PALM2AKAP2: variants seen among roughly 807,000 people sequenced by gnomAD.
PALM2AKAP2 encodes the protein PALM2 and AKAP2 fusion.
Under a neutral mutation model 71.5 loss-of-function variants are expected in PALM2AKAP2, and 37 were observed. The observed-to-expected ratio is 0.52, with a 90% CI of 0.40 to 0.68. The LOEUF (loss-of-function observed/expected upper bound fraction) is 0.68, where lower values mean the gene tolerates loss of function less well. Ranked by LOEUF, PALM2AKAP2 falls within the 30% of genes least tolerant of loss-of-function variation. The pLI, the probability that PALM2AKAP2 is intolerant of heterozygous loss-of-function variation, is 0.00. For synonymous variants in PALM2AKAP2, 468 were observed against 478.8 expected (o/e 0.98, Z 0.29); for missense variants, 1,224 against 1,191.8 (o/e 1.03, Z -0.40).
chr9:109,701,163 G>A (rs138981549), intron 1 of PALM2AKAP2, among the ~76,000 whole-genome samples: 20 of 152,114 alleles, frequency 1.3e-4, no homozygotes, highest in Admixed American at 2.0e-4. Context: ...AAATCCTTGG[G>A]CATGCCAAGG....
intron 1 of PALM2AKAP2, among the ~76,000 whole-genome samples, chr9:109,670,252 G>T (rs1251604760): frequency 6.6e-6 from 1 of 151,954 alleles, no homozygotes; most frequent in Admixed American, 6.6e-5. Flanking sequence ...TGTTTTTCCT[G>T]ATCCTCTCCC....
chr9:109,938,030 A>T (rs7046825), intron 6 of PALM2AKAP2, among the ~76,000 whole-genome samples: 127,398 of 152,218 alleles, frequency 0.84, 53,646 homozygotes, highest in African/African-American at 0.93. Context: ...AAAGGGATGA[A>T]AAGTGTGAGA....
At chr9:109,732,600 T>C (rs932433879) in intron 1 of PALM2AKAP2, among the ~76,000 whole-genome samples, 1 of 152,158 alleles carries the variant, frequency 6.6e-6, no homozygotes, top group Non-Finnish European at 1.5e-5. Flanking sequence ...ATTTGGGATA[T>C]AGATGAACAA....
intron 6 of PALM2AKAP2, chr9:109,942,848 T>C (rs2132044553): frequency 1.2e-6 from 2 of 1,614,070 alleles, no homozygotes; most frequent in Non-Finnish European, 1.7e-6. Flanking sequence ...GGAGGCACCG[T>C]AGTAGAAAAT....
At chr9:109,753,750 A>T (rs1828919105) in intron 1 of PALM2AKAP2, among the ~76,000 whole-genome samples, 1 of 152,186 alleles carries the variant, frequency 6.6e-6, no homozygotes, top group South Asian at 2.1e-4. Context: ...ACTAAATTAT[A>T]AAAAGGATTA....
intron 1 of PALM2AKAP2, among the ~76,000 whole-genome samples, chr9:109,690,075 T>A (rs770823024): frequency 1.8e-4 from 28 of 152,068 alleles, no homozygotes; most frequent in Non-Finnish European, 3.5e-4. Context: ...ATGGAGTGGT[T>A]TTCCCCCTGC....
At chr9:110,075,232 T>C (rs1314529919) in intron 1 of PALM2AKAP2, among the ~76,000 whole-genome samples, 1 of 152,202 alleles carries the variant, frequency 6.6e-6, no homozygotes, top group Non-Finnish European at 1.5e-5. Flanking sequence ...TGGAAAATAA[T>C]TTCTAATTTG....
intron 1 of PALM2AKAP2, among the ~76,000 whole-genome samples, chr9:109,711,569 ATGAGGGCCCCAAGGCTGGTCC>A (rs1195122365): frequency 6.6e-6 from 1 of 152,232 alleles, no homozygotes; most frequent in African/African-American, 2.4e-5. Flanking sequence ...TTGAAGGATT[ATGAGGGCCCCAAGGCTGGTCC>A]TGAGTGTGCT....
intron 6 of PALM2AKAP2, among the ~76,000 whole-genome samples, chr9:109,972,692 T>C (rs1457438163): frequency 6.6e-6 from 1 of 152,176 alleles, no homozygotes; most frequent in African/African-American, 2.4e-5. Context: ...CCACCACCAG[T>C]CTGCAGGGAA....
chr9:110,038,670 G>A (rs920675841), intron 7 of PALM2AKAP2, among the ~76,000 whole-genome samples: 11 of 152,130 alleles, frequency 7.2e-5, no homozygotes, highest in Middle Eastern at 3.4e-3. Context: ...TGGGCATGGC[G>A]GCTCATACCT....
In PALM2AKAP2 at chr9:110,032,736, AAAT is replaced by A. The variant is rs1334324456; in HGVS notation, c.582+16700_582+16702del. Among the ~76,000 whole-genome samples, 341 of 136,414 alleles carry A rather than the reference AAAT, an allele frequency of 2.5e-3. 1 individual carries two copies. The highest frequency in any genetic ancestry group is 7.4e-3 in the Middle Eastern group (2 of 270). 89.5% of individuals were successfully genotyped at this position (136,414 alleles called of 152,430 possible). ...TAAATAAATAAATAAATAAATAAAT[AAAT>A]AAAATAAAAAATAAAAAAACAAAAA... On this transcript the variant is annotated intron_variant, in intron 7 of 9. Coordinates refer to the PALM2AKAP2 transcript ENST00000302798.
chr9:110,064,329 T>A (rs1300214021), intron 1 of PALM2AKAP2, among the ~76,000 whole-genome samples: 1 of 152,164 alleles, frequency 6.6e-6, no homozygotes, highest in African/African-American at 2.4e-5. Flanking sequence ...CCTAGTAGTG[T>A]GTATGCTCAT....
intron 1 of PALM2AKAP2, among the ~76,000 whole-genome samples, chr9:109,646,350 C>T (rs1827153717): frequency 6.6e-6 from 1 of 152,204 alleles, no homozygotes; most frequent in African/African-American, 2.4e-5. Flanking sequence ...GTCTTCAAAA[C>T]AGTATGGGAT....
At chr9:109,672,824 C>T (rs1467780199) in intron 1 of PALM2AKAP2, among the ~76,000 whole-genome samples, 1 of 151,732 alleles carries the variant, frequency 6.6e-6, no homozygotes, top group African/African-American at 2.4e-5. Context: ...CTTCCCGGAT[C>T]AGTCTTAGGA....
chr9:109,838,525 A>T (rs1275141638), intron 1 of PALM2AKAP2, among the ~76,000 whole-genome samples: 1 of 152,228 alleles, frequency 6.6e-6, no homozygotes, highest in Non-Finnish European at 1.5e-5. Context: ...AATAACTAAG[A>T]TCAGAGCAGA....
chr9:110,031,120 T>C (rs1231133870), intron 7 of PALM2AKAP2, among the ~76,000 whole-genome samples: 2 of 152,138 alleles, frequency 1.3e-5, no homozygotes, highest in Non-Finnish European at 2.9e-5. Context: ...AGGTTTATTA[T>C]TGTTTCTGTT....
At chr9:110,002,935 A>T (rs1441033380) in intron 6 of PALM2AKAP2, among the ~76,000 whole-genome samples, 1 of 152,118 alleles carries the variant, frequency 6.6e-6, no homozygotes. Context: ...CTTCTTTATT[A>T]GTCTTGCTAG....
At chr9:109,664,089 C>A (rs543192233) in intron 1 of PALM2AKAP2, among the ~76,000 whole-genome samples, 1 of 152,056 alleles carries the variant, frequency 6.6e-6, no homozygotes, top group East Asian at 1.9e-4. Flanking sequence ...TGTCTTTGCA[C>A]GTGAGATGGG....
chr9:109,872,265 CTT>C lies in PALM2AKAP2; in HGVS notation c.126+4695_126+4696del, dbSNP rs199842255. Among the ~76,000 whole-genome samples the C allele has an allele frequency of 4.5e-3, 677 of 152,126 alleles. 3 individuals carry two copies. The highest frequency in any genetic ancestry group is 0.015 in the African/African-American group (622 of 41,486). On this transcript the variant is annotated intron_variant, in intron 2 of 9. Transcript: ENST00000302798. ...TATTTTTATTGTTTTTATAATGAGA[CTT>C]GTGATGATATGGATTTTTTTAAAAT...
Sources: gnomAD v4.1 joint callset for allele counts (sites outside exome capture counted in the v4.1 genomes callset) on GRCh38, gnomAD v4.1.1 for gene constraint, MANE v1.5 for transcripts, NCBI Gene and HGNC (gene_info 2026-07-23, HGNC 2026-07-21) for gene names.